METTL15: variants seen among roughly 807,000 people sequenced by gnomAD.
METTL15 encodes the protein 12S rRNA N(4)-cytidine methyltransferase METTL15.
METTL15 carries 34 observed loss-of-function variants against 38.3 expected under a neutral mutation model. The observed-to-expected ratio is 0.89, with a 90% CI of 0.68 to 1.18. The LOEUF (loss-of-function observed/expected upper bound fraction) is 1.18, where lower values mean the gene tolerates loss of function less well. Among genes scored for constraint, METTL15 ranks in the 50% most tolerant of loss-of-function variants. The pLI is 0.00. For synonymous variants in METTL15, 162 were observed against 170.9 expected (o/e 0.95, Z 0.41); for missense variants, 438 against 498.4 (o/e 0.88, Z 1.15).
intron 4 of METTL15, among the ~76,000 whole-genome samples, chr11:28,212,324 A>G (rs1250942095): frequency 1.3e-5 from 2 of 152,154 alleles, no homozygotes; most frequent in African/African-American, 4.8e-5. Flanking sequence ...ACGTGATTTA[A>G]TGACATGGTA....
chr11:28,316,133 A>G (rs1191542452), intron 6 of METTL15, among the ~76,000 whole-genome samples: 1 of 152,190 alleles, frequency 6.6e-6, no homozygotes, highest in African/African-American at 2.4e-5. Flanking sequence ...AGCTTGCATC[A>G]TGCACCTTGA....
chr11:28,487,611 T>C (rs1851449032), intron 6 of METTL15, among the ~76,000 whole-genome samples: 1 of 152,084 alleles, frequency 6.6e-6, no homozygotes, highest in African/African-American at 2.4e-5. Flanking sequence ...ATTTTTCTAA[T>C]AAAAAAGCTT....
At chr11:28,356,969 A>G (rs573559907) in intron 4 of METTL15, among the ~76,000 whole-genome samples, 1 of 152,130 alleles carries the variant, frequency 6.6e-6, no homozygotes, top group African/African-American at 2.4e-5. Context: ...TTTCTCGAGG[A>G]GACTGGGCAC....
chr11:28,341,665 AAGT>A (rs1396793758), intron 3 of METTL15, among the ~76,000 whole-genome samples: 2 of 152,206 alleles, frequency 1.3e-5, no homozygotes, highest in Admixed American at 6.5e-5. Flanking sequence ...GGTATGCACA[AAGT>A]AGTATCTTTT....
intron 3 of METTL15, among the ~76,000 whole-genome samples, chr11:28,189,865 T>C (rs1303502867): frequency 6.6e-6 from 1 of 151,238 alleles, no homozygotes; most frequent in Non-Finnish European, 1.5e-5. Flanking sequence ...CACAATCAGC[T>C]GTGTTTTCAT....
chr11:28,266,742 T>C (rs148724991), intron 4 of METTL15, among the ~76,000 whole-genome samples: 1 of 152,302 alleles, frequency 6.6e-6, no homozygotes, highest in East Asian at 1.9e-4. Flanking sequence ...AACAGTCTCT[T>C]TCCCAGATAA....
At chr11:28,324,518 T>C (rs1464496254) in intron 6 of METTL15, among the ~76,000 whole-genome samples, 1 of 152,210 alleles carries the variant, frequency 6.6e-6, no homozygotes, top group Non-Finnish European at 1.5e-5. Flanking sequence ...TTATCAGGTA[T>C]AATTAAGTGC....
At chr11:28,264,702 A>G (rs1185332829) in intron 4 of METTL15, among the ~76,000 whole-genome samples, 2 of 152,100 alleles carry the variant, frequency 1.3e-5, no homozygotes, top group Admixed American at 6.6e-5. Flanking sequence ...TACCCTCTTC[A>G]CAGCCCTTTC....
At chr11:28,419,278 C>T (rs1352828669) in intron 5 of METTL15, among the ~76,000 whole-genome samples, 1 of 152,140 alleles carries the variant, frequency 6.6e-6, no homozygotes, top group Non-Finnish European at 1.5e-5. Flanking sequence ...TCCCCCAGCT[C>T]CAGGCAGCTC....
intron 4 of METTL15, among the ~76,000 whole-genome samples, chr11:28,352,519 T>C (rs1370890523): frequency 6.6e-6 from 1 of 152,110 alleles, no homozygotes; most frequent in Non-Finnish European, 1.5e-5. Context: ...AGAACAAAAT[T>C]TAATGCAGAC....
intron 3 of METTL15, among the ~76,000 whole-genome samples, chr11:28,148,082 A>G (rs909982842): frequency 6.6e-6 from 1 of 151,880 alleles, no homozygotes; most frequent in Non-Finnish European, 1.5e-5. Context: ...CCAGAACCAC[A>G]TTACCAATTT....
chr11:28,246,341 A>C lies in METTL15; in HGVS notation c.407+35143A>C, dbSNP rs762360755. Among the ~76,000 whole-genome samples the C allele has an allele frequency of 1.7e-4, 26 of 152,252 alleles. 1 individual carries two copies. Among genetic ancestry groups the C allele is most frequent in the South Asian group, 8.3e-4 (4 of 4,832 alleles). On this transcript the variant is annotated intron_variant, in intron 4 of 6. Transcript: ENST00000407364. ...TAAAAAATTATTTATCCTTTTATTT[A>C]GTATGTATTTCAAGTGACTGCTCAA...
intron 6 of METTL15, among the ~76,000 whole-genome samples, chr11:28,467,538 G>A (rs182669183): frequency 4.6e-5 from 7 of 152,068 alleles, no homozygotes; most frequent in African/African-American, 1.7e-4. Flanking sequence ...CCATTGTCTG[G>A]AAGTCCTCCT....
At chr11:28,381,755 G>T (rs1850388516) in intron 5 of METTL15, among the ~76,000 whole-genome samples, 1 of 152,070 alleles carries the variant, frequency 6.6e-6, no homozygotes, top group African/African-American at 2.4e-5. Context: ...ATAAATTTCT[G>T]AATTGCTTTT....
At chr11:28,478,069 A>G (rs578132372) in intron 6 of METTL15, among the ~76,000 whole-genome samples, 1 of 152,052 alleles carries the variant, frequency 6.6e-6, no homozygotes, top group South Asian at 2.1e-4. Context: ...ACTCTCTTAT[A>G]CCCCAGCTAT....
intron 3 of METTL15, among the ~76,000 whole-genome samples, chr11:28,187,594 T>C (rs1282333129): frequency 6.7e-6 from 1 of 149,672 alleles, no homozygotes; most frequent in Non-Finnish European, 1.5e-5. Flanking sequence ...AGTCACCACA[T>C]ACTTGCAACA....
At chr11:28,394,949 C>G (rs776129121) in intron 5 of METTL15, among the ~76,000 whole-genome samples, 1 of 152,026 alleles carries the variant, frequency 6.6e-6, no homozygotes, top group African/African-American at 2.4e-5. Flanking sequence ...ATTTAAGATG[C>G]CACAATGGCT....
chr11:28,295,790 G>C (rs537009181), intron 5 of METTL15, among the ~76,000 whole-genome samples: 9 of 152,032 alleles, frequency 5.9e-5, no homozygotes, highest in Admixed American at 5.2e-4. Context: ...GGTGTTTGTT[G>C]GCAACCCCAC....
At chr11:28,454,335 A>G (rs1250254490) in intron 6 of METTL15, among the ~76,000 whole-genome samples, 1 of 152,184 alleles carries the variant, frequency 6.6e-6, no homozygotes, top group East Asian at 1.9e-4. Context: ...TCTCCCAACA[A>G]CATCTCTGAC....
Sources: gnomAD v4.1 joint callset for allele counts (sites outside exome capture counted in the v4.1 genomes callset) on GRCh38, gnomAD v4.1.1 for gene constraint, MANE v1.5 for transcripts, NCBI Gene and HGNC (gene_info 2026-07-23, HGNC 2026-07-21) for gene names.